The following PLAG1 variants were observed in gnomAD, a reference collection of about 807,000 sequenced individuals.
The protein encoded by PLAG1 is PLAG1 zinc finger, also known as zinc finger protein PLAG1.
Under a neutral mutation model 35.5 loss-of-function variants are expected in PLAG1, and 7 were observed. That is an observed-to-expected ratio of 0.20 (90% CI 0.11 to 0.37). PLAG1 has a LOEUF of 0.37. Among genes scored for constraint, PLAG1 ranks in the 10% least tolerant of loss-of-function variants. The pLI is 1.00. For missense variants in PLAG1, 454 were observed against 602.8 expected (o/e 0.75, Z 2.58); for synonymous variants, 229 against 225.4 (o/e 1.02, Z -0.14).
intron 1 of PLAG1, among the ~76,000 whole-genome samples, chr8:56,193,970 G>A (rs986975655): frequency 2.0e-5 from 3 of 151,870 alleles, no homozygotes; most frequent in African/African-American, 4.8e-5. Context: ...CACTCGCCTC[G>A]GCCTTCCAAA....
chr8:56,181,825 T>C (rs1207408593), intron 1 of PLAG1, among the ~76,000 whole-genome samples: 1 of 152,108 alleles, frequency 6.6e-6, no homozygotes, highest in Non-Finnish European at 1.5e-5. Flanking sequence ...TTAAAAACAA[T>C]ATTATATGGT....
chr8:56,183,506 A>G (rs1281362641), intron 1 of PLAG1, among the ~76,000 whole-genome samples: 2 of 152,212 alleles, frequency 1.3e-5, no homozygotes, highest in African/African-American at 4.8e-5. Context: ...AAAGCAGGAC[A>G]TACAGTAAGC....
chr8:56,177,138 GTACTT>G (rs887783653), intron 2 of PLAG1, among the ~76,000 whole-genome samples: 14 of 152,152 alleles, frequency 9.2e-5, no homozygotes, highest in African/African-American at 3.4e-4. Flanking sequence ...AAAGTAAAGT[GTACTT>G]TAAAGACAGG....
At chr8:56,172,029 A>G (rs1366181791) in intron 2 of PLAG1, among the ~76,000 whole-genome samples, 9 of 152,238 alleles carry the variant, frequency 5.9e-5, no homozygotes, top group Non-Finnish European at 1.0e-4. Context: ...ACAAGGCATG[A>G]GAGATCAGTA....
At chr8:56,196,681 C>A (rs142280241) in intron 1 of PLAG1, among the ~76,000 whole-genome samples, 1 of 152,102 alleles carries the variant, frequency 6.6e-6, no homozygotes, top group Non-Finnish European at 1.5e-5. Context: ...CTCTTGACCC[C>A]GCGTGTCTCC....
In PLAG1 at chr8:56,167,819, T is replaced by G. The variant is rs1377193355; in HGVS notation, c.242+209A>C. On this transcript the variant is annotated intron_variant, in intron 4 of 4. Coordinates refer to ENST00000316981, the MANE Select transcript of PLAG1 (RefSeq NM_002655.3). The surrounding 1 kb of genome is among the most constrained non-coding windows in gnomAD (Gnocchi z 5.9). ...TTCTACAAATGGAAATTCTACTCAT[T>G]AAGCATTTTATTTTAAAAAGTCCAA... Among the ~76,000 whole-genome samples the G allele has an allele frequency of 6.6e-6, 1 of 152,236 alleles. No homozygotes were observed. Among genetic ancestry groups the G allele is most frequent in the Non-Finnish European group, 1.5e-5 (1 of 68,052 alleles).
At chr8:56,184,156 C>T (rs1210748769) in intron 1 of PLAG1, among the ~76,000 whole-genome samples, 2 of 152,128 alleles carry the variant, frequency 1.3e-5, no homozygotes, top group African/African-American at 2.4e-5. Flanking sequence ...TAAAAAACAA[C>T]TCAATTAACA....
chr8:56,208,479 C>T (rs1490760041), intron 1 of PLAG1, among the ~76,000 whole-genome samples: 1 of 152,148 alleles, frequency 6.6e-6, no homozygotes, highest in East Asian at 1.9e-4. Context: ...GAGGTATTTA[C>T]AGAAAGTTGG....
In PLAG1 at chr8:56,167,489, T is replaced by G; in HGVS notation, c.257A>C (p.His86Pro). ...ACACTTGTGGGTTTTCTCAGGAGAA[T>G]GAGTAGCCATGTGCCTTTAAACACA... ...KYKLQRHMAT[H>P]SPEKTHKCNY... The change falls in exon 5 of 5, where the codon CAT (histidine) becomes CCT (proline). Residue 86 changes from histidine to proline, a missense_variant. Coordinates refer to ENST00000316981, the MANE Select transcript of PLAG1 (RefSeq NM_002655.3). The surrounding 1 kb of genome is among the most constrained non-coding windows in gnomAD (Gnocchi z 5.9). 2 of 1,606,558 alleles carry G rather than the reference T, an allele frequency of 1.2e-6. No homozygotes were observed. The highest frequency in any genetic ancestry group is 1.7e-6 in the Non-Finnish European group (2 of 1,174,770).
At chr8:56,189,590 A>G (rs2129230462) in intron 1 of PLAG1, among the ~76,000 whole-genome samples, 2 of 152,322 alleles carry the variant, frequency 1.3e-5, no homozygotes, top group Middle Eastern at 6.8e-3. Context: ...AGGTATCCCA[A>G]AAGGATACTC....
chr8:56,194,579 G>A (rs927542240), intron 1 of PLAG1, among the ~76,000 whole-genome samples: 7 of 150,160 alleles, frequency 4.7e-5, no homozygotes, highest in African/African-American at 9.8e-5. Context: ...AGCACTGGGT[G>A]TGTGTGTGTG....
At chr8:56,177,680 T>C (rs1811746376) in intron 2 of PLAG1, among the ~76,000 whole-genome samples, 1 of 152,218 alleles carries the variant, frequency 6.6e-6, no homozygotes, top group African/African-American at 2.4e-5. Flanking sequence ...AGCAGACATT[T>C]GATAGACATT....
Position 56,164,439 on chromosome 8 carries a change from T to C in PLAG1, c.*1804A>G, listed in dbSNP as rs1811294952. On this transcript the variant is annotated 3_prime_UTR_variant, in exon 5 of 5. Coordinates refer to ENST00000316981, the MANE Select transcript of PLAG1 (RefSeq NM_002655.3). ...ATTTTAAATAATGTATTATATTCAGTAATCTGCACTCATTTTTAGAAATTC... is the reference window on the plus strand; with the variant it reads ...ATTTTAAATAATGTATTATATTCAGCAATCTGCACTCATTTTTAGAAATTC... 4.6e-6 allele frequency: 1 copy of C among 219,406 alleles called. No homozygotes were observed. The highest frequency in any genetic ancestry group is 2.2e-5 in the African/African-American group (1 of 44,542). The allele number at this position is 219,406 out of a possible 1,614,324, so 13.6% of individuals were successfully genotyped here.
chr8:56,181,944 T>G (rs1811877556), intron 1 of PLAG1, among the ~76,000 whole-genome samples: 1 of 152,182 alleles, frequency 6.6e-6, no homozygotes. Context: ...AAAGTGTGTG[T>G]GTGGTTGTAG....
chr8:56,197,703 T>C (rs1445386007), intron 1 of PLAG1, among the ~76,000 whole-genome samples: 1 of 152,216 alleles, frequency 6.6e-6, no homozygotes, highest in Non-Finnish European at 1.5e-5. Flanking sequence ...GCTCTGGGTA[T>C]TCTGGGGGGT....
chr8:56,170,097 A>C (rs1002891592), intron 3 of PLAG1, among the ~76,000 whole-genome samples: 12 of 152,240 alleles, frequency 7.9e-5, no homozygotes, highest in African/African-American at 2.2e-4. Context: ...GGCTGTTTCT[A>C]AACAGGCAAA....
Position 56,166,415 on chromosome 8 carries a change from T to A in PLAG1, c.1331A>T (p.Tyr444Phe). ...AGAAGAATGTGCTTCTTCCTGGGAA[T>A]AGCTCATTCCAAGGCTCCCCACTGA... Reference protein sequence around the residue: ...PLSVGSLGMSYSQEEAHSSVS... With the variant: ...PLSVGSLGMSFSQEEAHSSVS... Residue 444 changes from tyrosine to phenylalanine, a missense_variant, in exon 5 of 5, where the codon TAT becomes TTT. By Grantham distance (22) the Tyr-to-Phe change is conservative. Around this residue, in one of 4 missense-constraint regions of PLAG1, gnomAD observed 271 missense variants for 315.6 expected, o/e 0.86. Coordinates refer to ENST00000316981, the MANE Select transcript of PLAG1 (RefSeq NM_002655.3). 2 of 1,613,550 alleles carry A rather than the reference T, an allele frequency of 1.2e-6. No individual in the cohort carries two copies. Among genetic ancestry groups the A allele is most frequent in the South Asian group, 1.1e-5 (1 of 90,990 alleles).
intron 3 of PLAG1, among the ~76,000 whole-genome samples, chr8:56,168,640 A>C (rs1267581112): frequency 1.3e-5 from 2 of 152,348 alleles, no homozygotes; most frequent in East Asian, 3.9e-4. Context: ...TTACTTAGGC[A>C]TAGCAGTAGT....
intron 1 of PLAG1, among the ~76,000 whole-genome samples, chr8:56,188,549 G>A (rs765765551): frequency 6.6e-6 from 1 of 152,178 alleles, no homozygotes; most frequent in African/African-American, 2.4e-5. Flanking sequence ...CACAGTGTAT[G>A]TCAAATTTGT....
Sources: gnomAD v4.1 joint callset for allele counts (sites outside exome capture counted in the v4.1 genomes callset) on GRCh38, gnomAD v4.1.1 for gene constraint, gnomAD v4.1.1 regional missense constraint, Gnocchi (gnomAD v3.1) non-coding constraint, MANE v1.5 for transcripts, NCBI Gene and HGNC (gene_info 2026-07-23, HGNC 2026-07-21) for gene names.